The following PROSER1 variants were observed in gnomAD, a reference collection of about 807,000 sequenced individuals.
PROSER1 encodes proline and serine rich 1, also known as proline and serine-rich protein 1.
Under a neutral mutation model 71.8 loss-of-function variants are expected in PROSER1, and 36 were observed. That is an observed-to-expected ratio of 0.50 (90% CI 0.38 to 0.66). The LOEUF is 0.66. Among genes scored for constraint, PROSER1 ranks in the 30% least tolerant of loss-of-function variants. The pLI is 0.00. For synonymous variants in PROSER1, 490 were observed against 452.4 expected, an observed-to-expected ratio of 1.08 and a Z score of -1.06; for missense variants, 1,107 against 1,135.0, an observed-to-expected ratio of 0.98 and a Z score of 0.35.
intron 7 of PROSER1, chr13:39,023,697 A>G (rs1870409545): frequency 6.6e-6 from 1 of 152,526 alleles, no homozygotes; most frequent in African/African-American, 2.4e-5. Flanking sequence ...AAATCCATAA[A>G]TCCACCAATA....
chr13:39,027,088 A>ATATG, intron 5 of PROSER1, among the ~76,000 whole-genome samples: 1 of 151,996 alleles, frequency 6.6e-6, no homozygotes, highest in South Asian at 2.1e-4. Context: ...AGCTATACAT[A>ATATG]TGTGTGTGTA....
At chr13:39,020,382 A>C (rs764946858) in intron 9 of PROSER1, among the ~76,000 whole-genome samples, 19 of 151,962 alleles carry the variant, frequency 1.3e-4, no homozygotes, top group African/African-American at 4.1e-4. Flanking sequence ...ACACACACAC[A>C]CCCCTGTTGT....
chr13:39,017,775 G>A (rs1163140265), intron 9 of PROSER1: 2 of 390,174 alleles, frequency 5.1e-6, no homozygotes, highest in Non-Finnish European at 8.9e-6. Flanking sequence ...CAGAAACTGA[G>A]TGAGTGCTCT....
intron 1 of PROSER1, 95 bp downstream of exon 1, chr13:39,037,102 AC>A (rs1871150702): frequency 4.4e-6 from 4 of 916,252 alleles, no homozygotes; most frequent in Non-Finnish European, 7.2e-6. Flanking sequence ...CAATCCTAGG[AC>A]CCTTATTCTG....
chr13:39,030,865 TA>T (rs1487225091), intron 3 of PROSER1, among the ~76,000 whole-genome samples: 3 of 151,964 alleles, frequency 2.0e-5, no homozygotes, highest in African/African-American at 7.3e-5. Context: ...TGCAAAGCAG[TA>T]AAAAAGCAAG....
At position 39,012,672 on chromosome 13, in the gene PROSER1, T is replaced by G; in HGVS notation, c.2561+19A>C. On this transcript the variant is annotated intron_variant, in intron 11 of 12. Coordinates refer to ENST00000352251, the MANE Select transcript of PROSER1 (RefSeq NM_025138.5). ...TAGGTGAAGAATAATTTTATCCTATTTCCAAACTATCCACATACCCGGCTT... is the reference window on the plus strand; with the variant it reads ...TAGGTGAAGAATAATTTTATCCTATGTCCAAACTATCCACATACCCGGCTT... The G allele has an allele frequency of 6.7e-7, 1 of 1,499,628 alleles. No individual in the cohort carries two copies. The highest frequency in any genetic ancestry group is 9.0e-7 in the Non-Finnish European group (1 of 1,113,802). The allele number at this position is 1,499,628 out of a possible 1,614,324, so 92.9% of individuals were successfully genotyped here.
At chr13:39,036,679 G>A (rs1217239078) in intron 1 of PROSER1, among the ~76,000 whole-genome samples, 1 of 152,042 alleles carries the variant, frequency 6.6e-6, no homozygotes, top group African/African-American at 2.4e-5. Flanking sequence ...AGTTATTGAC[G>A]GCCAATTCCT....
At chr13:39,018,757 A>AG (rs913264994) in intron 9 of PROSER1, among the ~76,000 whole-genome samples, 1 of 152,244 alleles carries the variant, frequency 6.6e-6, no homozygotes, top group East Asian at 1.9e-4. Flanking sequence ...TAGCAGGAGG[A>AG]GGGGAAAAAA....
chr13:39,013,102 G>A lies in PROSER1; in HGVS notation c.2150C>T (p.Pro717Leu), dbSNP rs1308635398. The change falls in exon 11 of 13, where the codon CCG becomes CTG. Residue 717 changes from proline (P) to leucine (L), a missense_variant. Transcript: ENST00000352251. ...FPLTGNPSLN[P>L]SVSLPGSLIA... Reference sequence around the variant, plus strand: ...TAATGACCCTGGGAGAGATACTGACGGATTAAGAGATGGGTTGCCAGTTAA... The same window carrying A: ...TAATGACCCTGGGAGAGATACTGACAGATTAAGAGATGGGTTGCCAGTTAA... 17 of 1,613,962 alleles carry A rather than the reference G, an allele frequency of 1.1e-5. No individual in the cohort carries two copies. Among genetic ancestry groups the A allele is most frequent in the Middle Eastern group, 1.6e-4 (1 of 6,084 alleles).
intron 3 of PROSER1, among the ~76,000 whole-genome samples, chr13:39,031,288 G>C (rs76600198): frequency 0.011 from 1,713 of 152,294 alleles, 33 homozygotes; most frequent in African/African-American, 0.04. Context: ...TTAAAAAACA[G>C]AAGTGCAAAA....
At chr13:39,030,626 C>A (rs1163373093) in intron 3 of PROSER1, among the ~76,000 whole-genome samples, 1 of 152,100 alleles carries the variant, frequency 6.6e-6, no homozygotes, top group African/African-American at 2.4e-5. Flanking sequence ...CAGGGTCTTA[C>A]TATGTTGCCC....
chr13:39,026,484 A>T, intron 5 of PROSER1, 97 bp from the exon 6 acceptor site: 1 of 682,774 alleles, frequency 1.5e-6, no homozygotes, highest in South Asian at 1.9e-5. Context: ...GAATTAAAGA[A>T]CAGCACTACA....
intron 2 of PROSER1, chr13:39,031,835 A>C (rs1870860108): frequency 1.9e-6 from 1 of 516,256 alleles, no homozygotes; most frequent in South Asian, 3.2e-5. Context: ...AAATGTAAAA[A>C]TCAGTTCCTT....
chr13:39,024,948 A>G (rs1375578345), intron 6 of PROSER1, among the ~76,000 whole-genome samples: 2 of 152,190 alleles, frequency 1.3e-5, no homozygotes, highest in Non-Finnish European at 2.9e-5. Context: ...TATACTTTAA[A>G]TAATCTCTAG....
chr13:39,026,233 T>A (rs1474097077), intron 6 of PROSER1, 44 bp downstream of exon 6: 3 of 1,240,720 alleles, frequency 2.4e-6, no homozygotes, highest in Non-Finnish European at 3.5e-6. Flanking sequence ...CACTTCATAC[T>A]TAACCATGAG....
In PROSER1 at chr13:39,028,566, T is replaced by G. The variant is rs868413732; in HGVS notation, c.276-246A>C. Among the ~76,000 whole-genome samples, 5 of 152,234 alleles carry G rather than the reference T, an allele frequency of 3.3e-5. 1 individual carries two copies. The South Asian group carries it at 1.0e-3, about 32-fold the overall frequency. Reference sequence around the variant, plus strand: ...GCAAATAAAAATCATTATTTTGAGATTTTTCAAAATATACTTTCTTCAGTG... The same window carrying G: ...GCAAATAAAAATCATTATTTTGAGAGTTTTCAAAATATACTTTCTTCAGTG... On this transcript the variant is annotated intron_variant, in intron 4 of 12. Transcript: ENST00000352251.
chr13:39,010,556 A>G lies in PROSER1; in HGVS notation c.*809T>C, dbSNP rs192814828. The G allele has an allele frequency of 1.2e-4, 19 of 152,814 alleles. No homozygotes were observed. Among genetic ancestry groups the G allele is most frequent in the African/African-American group, 4.1e-4 (17 of 41,598 alleles). 9.5% of individuals were successfully genotyped at this position (152,814 alleles called of 1,614,324 possible). On this transcript the variant is annotated 3_prime_UTR_variant, in exon 13 of 13. Coordinates refer to ENST00000352251, the MANE Select transcript of PROSER1 (RefSeq NM_025138.5). ...AGTACAAATAGAAATACTACATCCC[A>G]TAATTGTAAACATTCACCAGGAGCT...
rs774944936 is a variant in PROSER1 at position 39,011,362 on chromosome 13, T to C, written c.*3A>G. 5 of 1,613,838 alleles carry C rather than the reference T, an allele frequency of 3.1e-6. No individual in the cohort carries two copies. The South Asian group carries it at 4.4e-5, about 14-fold the overall frequency. On this transcript the variant is annotated 3_prime_UTR_variant, in exon 13 of 13. Transcript: ENST00000352251. ...TCTGAAGGAGAATAAAAGTTAAAAG[T>C]ATTCACTGCCACCCACTCTGGGACA... is the stretch of plus-strand genomic sequence containing the variant.
chr13:39,014,514 C>T lies in PROSER1; in HGVS notation c.776-38G>A, dbSNP rs772647475. Reference sequence around the variant, plus strand: ...GGGAAAAAAGGCAAGAATGTATCATCATGCTGAAACGTCAAATTTTGAATT... The same window carrying T: ...GGGAAAAAAGGCAAGAATGTATCATTATGCTGAAACGTCAAATTTTGAATT... On this transcript the variant is annotated intron_variant, in intron 10 of 12. Transcript: ENST00000352251. 25 of 1,428,646 alleles carry T rather than the reference C, an allele frequency of 1.7e-5. No individual in the cohort carries two copies. In the East Asian group the frequency reaches 1.8e-4, roughly 10 times the overall value. The allele number at this position is 1,428,646 out of a possible 1,614,324, so 88.5% of individuals were successfully genotyped here.
Sources: allele counts gnomAD v4.1 joint callset (sites outside exome capture counted in the v4.1 genomes callset), GRCh38; gene constraint gnomAD v4.1.1; transcripts MANE v1.5; gene names NCBI Gene and HGNC (gene_info 2026-07-23, HGNC 2026-07-21).